Variants in EEFSEC observed in about 807,000 individuals in gnomAD.
The protein encoded by EEFSEC is selenocysteine-specific elongation factor.
In EEFSEC, 43 loss-of-function variants were observed where a neutral mutation model predicts 42.1. That is an observed-to-expected ratio of 1.02 (90% CI 0.80 to 1.32). The LOEUF (loss-of-function observed/expected upper bound fraction) is 1.32. Among genes scored for constraint, EEFSEC ranks in the 40% most tolerant of loss-of-function variants. EEFSEC has a pLI of 0.00. For synonymous variants in EEFSEC, 354 were observed against 339.1 expected (o/e 1.04, Z -0.48); for missense variants, 745 against 803.6 (o/e 0.93, Z 0.88).
At chr3:128,182,897 G>T (rs2065426377) in intron 1 of EEFSEC, among the ~76,000 whole-genome samples, 1 of 141,622 alleles carries the variant, frequency 7.1e-6, no homozygotes, top group African/African-American at 2.6e-5. Context: ...GGGGTGGGGT[G>T]GTTGGTCTAG....
chr3:128,344,019 G>C (rs764016843), intron 5 of EEFSEC, among the ~76,000 whole-genome samples: 2 of 152,250 alleles, frequency 1.3e-5, no homozygotes, highest in Non-Finnish European at 2.9e-5. Flanking sequence ...CAGGGCTTTG[G>C]TCGAGGAAGA....
chr3:128,295,594 CT>C lies in EEFSEC; in HGVS notation c.786+30831del, dbSNP rs543376332. Among the ~76,000 whole-genome samples the C allele has an allele frequency of 9.3e-3, 1,218 of 131,488 alleles. 6 individuals are homozygous for C. The highest frequency in any genetic ancestry group is 0.023 in the Admixed American group (299 of 12,970). 86.3% of individuals were successfully genotyped at this position (131,488 alleles called of 152,430 possible). On this transcript the variant is annotated intron_variant, in intron 4 of 6. Coordinates refer to ENST00000254730, the MANE Select transcript of EEFSEC (RefSeq NM_021937.5). The stretch of plus-strand genomic sequence containing the variant: ...CAGGGCCTTCCAACAATTGAGGCTC[CT>C]TTTTTTTTTTTTTTTTTAAATCTTC...
chr3:128,342,481 G>C (rs1377350291), intron 5 of EEFSEC, among the ~76,000 whole-genome samples: 2 of 152,278 alleles, frequency 1.3e-5, no homozygotes, highest in Non-Finnish European at 2.9e-5. Flanking sequence ...GGGTGCCAGA[G>C]AGCAAGAGGA....
At chr3:128,322,737 T>A (rs2067021179) in intron 4 of EEFSEC, among the ~76,000 whole-genome samples, 1 of 152,176 alleles carries the variant, frequency 6.6e-6, no homozygotes, top group Admixed American at 6.5e-5. Context: ...AGGCTTTGGA[T>A]CCAGAGCAGG....
chr3:128,347,685 C>T (rs1024820242), intron 5 of EEFSEC, among the ~76,000 whole-genome samples: 4 of 152,116 alleles, frequency 2.6e-5, no homozygotes, highest in South Asian at 2.1e-4. Flanking sequence ...TAAATGCTAA[C>T]GCTGAGAGAT....
chr3:128,267,059 G>C (rs1012881372), intron 4 of EEFSEC, among the ~76,000 whole-genome samples: 3 of 152,102 alleles, frequency 2.0e-5, no homozygotes, highest in Admixed American at 2.0e-4. Flanking sequence ...GAGTATGAAA[G>C]AGGTGTCAAA....
At chr3:128,189,751 G>T (rs931416303) in intron 1 of EEFSEC, among the ~76,000 whole-genome samples, 2 of 151,136 alleles carry the variant, frequency 1.3e-5, no homozygotes, top group Admixed American at 1.3e-4. Flanking sequence ...TAGAGACGGG[G>T]GTCTCACCAT....
chr3:128,380,701 A>G (rs895363613), intron 6 of EEFSEC, among the ~76,000 whole-genome samples: 3 of 152,344 alleles, frequency 2.0e-5, no homozygotes, highest in Admixed American at 6.5e-5. Context: ...GGTTGACTCC[A>G]TTTGACTGCT....
intron 1 of EEFSEC, among the ~76,000 whole-genome samples, chr3:128,244,875 A>G (rs1296219242): frequency 6.6e-6 from 1 of 152,212 alleles, no homozygotes; most frequent in African/African-American, 2.4e-5. Context: ...CTCGGATATC[A>G]TTCCATAGTG....
intron 4 of EEFSEC, among the ~76,000 whole-genome samples, chr3:128,333,431 T>C (rs1310463334): frequency 1.3e-5 from 2 of 152,192 alleles, no homozygotes; most frequent in Non-Finnish European, 2.9e-5. Flanking sequence ...ACTTCTGTGG[T>C]GGAGTGTGTT....
At chr3:128,311,511 G>A (rs1226140649) in intron 4 of EEFSEC, among the ~76,000 whole-genome samples, 1 of 152,176 alleles carries the variant, frequency 6.6e-6, no homozygotes, top group Non-Finnish European at 1.5e-5. Flanking sequence ...TGACCTTCAG[G>A]GCACAGCTCC....
chr3:128,218,466 G>A (rs2065831535), intron 1 of EEFSEC, among the ~76,000 whole-genome samples: 1 of 152,164 alleles, frequency 6.6e-6, no homozygotes, highest in Non-Finnish European at 1.5e-5. Context: ...TAGCTTTCTG[G>A]GCCAAGCGCA....
At chr3:128,409,361 C>CGTGTGT (rs60523218), downstream of EEFSEC, among the ~76,000 whole-genome samples, 19 of 149,674 alleles carry the variant, frequency 1.3e-4, no homozygotes, top group African/African-American at 4.4e-4. Flanking sequence ...GCCCCAGAGC[C>CGTGTGT]GTGTGTGTGT....
At chr3:128,408,010 G>A in intron 6 of EEFSEC, 59 bp from the exon 7 acceptor site, 1 of 1,456,858 alleles carries the variant, frequency 6.9e-7, no homozygotes, top group Non-Finnish European at 9.1e-7. Flanking sequence ...TGCGCGGGCA[G>A]GGAGCCCACG....
At position 128,373,777 on chromosome 3, in the gene EEFSEC, A is replaced by G. The variant is rs560343982; in HGVS notation, c.1600+15404A>G. Among the ~76,000 whole-genome samples the G allele has an allele frequency of 5.3e-5, 8 of 152,302 alleles. No individual in the cohort carries two copies. In the East Asian group the frequency reaches 1.5e-3, roughly 29 times the overall value. On this transcript the variant is annotated intron_variant, in intron 6 of 6. Transcript: ENST00000254730. ...GGGTCAGCTCTGGAGGGGGCTAACC[A>G]AAAAGATCCAGGTATCACATGCATA...
intron 4 of EEFSEC, among the ~76,000 whole-genome samples, chr3:128,305,960 A>G (rs1239813293): frequency 2.0e-5 from 3 of 152,148 alleles, no homozygotes; most frequent in African/African-American, 7.2e-5. Flanking sequence ...GTTGCATTCC[A>G]CTGTATGTTA....
intron 2 of EEFSEC, among the ~76,000 whole-genome samples, chr3:128,251,614 G>A (rs1470643268): frequency 6.6e-6 from 1 of 152,060 alleles, no homozygotes; most frequent in Admixed American, 6.6e-5. Context: ...TTATGCCCAT[G>A]TAAAAATTTT....
intron 1 of EEFSEC, among the ~76,000 whole-genome samples, chr3:128,184,830 C>T (rs2065448514): frequency 6.6e-6 from 1 of 152,166 alleles, no homozygotes; most frequent in Non-Finnish European, 1.5e-5. Context: ...AATTGTATCA[C>T]AAACTCTGCA....
At chr3:128,415,053 G>C in the EEFSEC span, among the ~76,000 whole-genome samples, 6,583 of 152,182 alleles carry the variant, frequency 0.043, 483 homozygotes, top group African/African-American at 0.15. Flanking sequence ...GGATGGGGTG[G>C]GCAAGACACC....
Sources: allele counts gnomAD v4.1 joint callset (sites outside exome capture counted in the v4.1 genomes callset), GRCh38; gene constraint gnomAD v4.1.1; transcripts MANE v1.5; gene names NCBI Gene and HGNC (gene_info 2026-07-23, HGNC 2026-07-21).